PDE8B: variants seen among roughly 807,000 people sequenced by gnomAD.
PDE8B encodes the protein high affinity cAMP-specific and IBMX-insensitive 3',5'-cyclic phosphodiesterase 8B.
A neutral mutation model predicts 101.3 loss-of-function variants in PDE8B; 26 were observed. The ratio of observed to expected loss-of-function variants is 0.26; its 90% CI spans 0.19 to 0.36. The LOEUF (loss-of-function observed/expected upper bound fraction) is 0.36, where lower values mean the gene tolerates loss of function less well. PDE8B is among the 10% of genes least tolerant of loss of function. The pLI is 1.00. For synonymous variants in PDE8B, 424 were observed against 429.3 expected (o/e 0.99, Z 0.15); for missense variants, 810 against 1,163.1 (o/e 0.70, Z 4.42).
At chr5:77,331,323 A>G (rs773196333) in intron 4 of PDE8B, 79 bp from the exon 5 acceptor site, 18 of 1,290,198 alleles carry the variant, frequency 1.4e-5, no homozygotes, top group Non-Finnish European at 2.0e-5. Flanking sequence ...GTGTGGCCTC[A>G]TTGCTCTCTC....
At chr5:77,166,200 T>G in the PDE8B span, among the ~76,000 whole-genome samples, 1 of 145,460 alleles carries the variant, frequency 6.9e-6, no homozygotes, top group African/African-American at 2.6e-5. Flanking sequence ...GAACAACATT[T>G]CTTCATGAGA....
chr5:77,235,824 A>C lies in PDE8B; in HGVS notation c.339+24560A>C, dbSNP rs1185688717. On this transcript the variant is annotated intron_variant, in intron 1 of 21. Coordinates refer to ENST00000264917, the MANE Select transcript of PDE8B (RefSeq NM_003719.5). The stretch of plus-strand genomic sequence containing the variant: ...ACTGAGTTACAGCAGAAAAAAAAAC[A>C]AAACTAAAAATTCTTGTTTTCTGAG... Among the ~76,000 whole-genome samples, 7 of 146,434 alleles carry C rather than the reference A, an allele frequency of 4.8e-5. No individual in the cohort carries two copies. The East Asian group carries it at 1.4e-3, about 28-fold the overall frequency.
chr5:77,191,889 T>C, the PDE8B span, among the ~76,000 whole-genome samples: 1 of 152,170 alleles, frequency 6.6e-6, no homozygotes, highest in Admixed American at 6.5e-5. Flanking sequence ...TTCCTGCAAT[T>C]AGATGGTCCT....
intron 1 of PDE8B, among the ~76,000 whole-genome samples, chr5:77,218,927 T>C (rs955226275): frequency 6.6e-6 from 1 of 152,194 alleles, no homozygotes; most frequent in Non-Finnish European, 1.5e-5. Flanking sequence ...ATTTGGCCAA[T>C]AGATGACTAA....
At chr5:77,105,851 G>A in the PDE8B span, 2 of 152,194 alleles carry the variant, frequency 1.3e-5, no homozygotes, top group Non-Finnish European at 2.9e-5. Context: ...TCTAGTGGGT[G>A]TGAAATGGTA....
intron 1 of PDE8B, among the ~76,000 whole-genome samples, chr5:77,274,902 GAA>G (rs1298948512): frequency 6.6e-6 from 1 of 152,022 alleles, no homozygotes; most frequent in East Asian, 1.9e-4. Flanking sequence ...TTCAGAGAGA[GAA>G]AAAGAGAAAG....
chr5:77,388,026 C>T (rs1008838464), intron 10 of PDE8B, among the ~76,000 whole-genome samples: 8 of 152,098 alleles, frequency 5.3e-5, no homozygotes, highest in African/African-American at 1.9e-4. Flanking sequence ...AGAACATGCT[C>T]CTTTAGCTCG....
At chr5:77,168,583 C>T in the PDE8B span, among the ~76,000 whole-genome samples, 7 of 152,210 alleles carry the variant, frequency 4.6e-5, no homozygotes, top group South Asian at 2.1e-4. Context: ...GATGCTGGGG[C>T]GAAGGCAAGT....
At chr5:77,401,472 A>C (rs762111278) in intron 11 of PDE8B, among the ~76,000 whole-genome samples, 1 of 152,224 alleles carries the variant, frequency 6.6e-6, no homozygotes, top group Non-Finnish European at 1.5e-5. Context: ...CCATCTTGGA[A>C]GTACAGTTTC....
chr5:77,398,515 T>A (rs895103322), intron 10 of PDE8B, among the ~76,000 whole-genome samples: 2 of 151,682 alleles, frequency 1.3e-5, no homozygotes, highest in Admixed American at 6.6e-5. Context: ...AGAGAGGGGG[T>A]TTCACCATGT....
At chr5:77,209,466 T>C (rs1411451919), upstream of PDE8B, among the ~76,000 whole-genome samples, 5 of 152,210 alleles carry the variant, frequency 3.3e-5, no homozygotes, top group Non-Finnish European at 7.3e-5. Context: ...CAACTCTAGA[T>C]AAAATCCTTT....
chr5:77,326,739 G>T (rs1776127900), intron 3 of PDE8B, among the ~76,000 whole-genome samples: 1 of 152,058 alleles, frequency 6.6e-6, no homozygotes, highest in Non-Finnish European at 1.5e-5. Context: ...TATTTTTGAT[G>T]ATTTTATAAT....
the PDE8B span, among the ~76,000 whole-genome samples, chr5:77,111,169 C>A: frequency 6.6e-6 from 1 of 152,018 alleles, no homozygotes; most frequent in African/African-American, 2.4e-5. Flanking sequence ...GAAGTTATGG[C>A]AATAGTTCAG....
the PDE8B span, among the ~76,000 whole-genome samples, chr5:77,103,487 G>A: frequency 2.0e-5 from 3 of 152,298 alleles, no homozygotes; most frequent in East Asian, 1.9e-4. Context: ...CACGGGAATA[G>A]CAGGAATGCT....
intron 2 of PDE8B, among the ~76,000 whole-genome samples, chr5:77,318,390 G>T (rs932531448): frequency 2.0e-5 from 3 of 152,158 alleles, no homozygotes; most frequent in African/African-American, 7.2e-5. Flanking sequence ...AATATTTATG[G>T]TGCTGAGAGA....
intron 10 of PDE8B, among the ~76,000 whole-genome samples, chr5:77,372,697 T>G (rs551648249): frequency 1.3e-5 from 2 of 152,352 alleles, no homozygotes; most frequent in South Asian, 4.1e-4. Flanking sequence ...TATCAAATTT[T>G]TTGGCAAAAG....
intron 1 of PDE8B, among the ~76,000 whole-genome samples, chr5:77,255,831 G>T (rs763014281): frequency 6.6e-6 from 1 of 152,234 alleles, no homozygotes; most frequent in African/African-American, 2.4e-5. Context: ...CGGGTACGGG[G>T]TGTGTCCTGG....
At chr5:77,202,241 C>T in the PDE8B span, among the ~76,000 whole-genome samples, 1 of 152,208 alleles carries the variant, frequency 6.6e-6, no homozygotes, top group African/African-American at 2.4e-5. Context: ...ACTTGCTTCA[C>T]CAGTCCTTCT....
chr5:77,111,609 T>C, the PDE8B span, among the ~76,000 whole-genome samples: 18 of 152,164 alleles, frequency 1.2e-4, no homozygotes, highest in African/African-American at 4.3e-4. Context: ...CAAGGTGCTT[T>C]ACAACAAGCT....
Sources: gnomAD v4.1 joint callset for allele counts (sites outside exome capture counted in the v4.1 genomes callset) on GRCh38, gnomAD v4.1.1 for gene constraint, MANE v1.5 for transcripts, NCBI Gene and HGNC (gene_info 2026-07-23, HGNC 2026-07-21) for gene names.